Variants in NBEAL1 observed in about 807,000 individuals in gnomAD.
The protein encoded by NBEAL1 is neurobeachin like 1.
NBEAL1 carries 273 observed loss-of-function variants against 351.3 expected under a neutral mutation model. The observed-to-expected ratio is 0.78, with a 90% confidence interval of 0.70 to 0.86. The LOEUF (loss-of-function observed/expected upper bound fraction) is 0.86. Among genes scored for constraint, NBEAL1 ranks in the 40% least tolerant of loss-of-function variants. NBEAL1 has a pLI of 0.00. For missense variants in NBEAL1, 2,961 were observed against 3,201.3 expected, an observed-to-expected ratio of 0.92 and a Z score of 1.81; for synonymous variants, 1,050 against 1,086.4, an observed-to-expected ratio of 0.97 and a Z score of 0.66.
chr2:203,085,752 A>G (rs1240958275), intron 10 of NBEAL1: 2 of 152,208 alleles, frequency 1.3e-5, no homozygotes, highest in Non-Finnish European at 2.9e-5. Flanking sequence ...CTCATTGTAA[A>G]TGGAAACATT....
chr2:203,083,976 CTGTGTG>C lies in NBEAL1; in HGVS notation c.992-447_992-442del, dbSNP rs59252809. ...TTTTGTTTCTTTTTTTCCTCAGAGCCTGTGTGTGTGTGTGTGTGTGTGTGTGTGTGT... is the reference window on the plus strand; with the variant it reads ...TTTTGTTTCTTTTTTTCCTCAGAGCCTGTGTGTGTGTGTGTGTGTGTGTGT... On this transcript the variant is annotated intron_variant, in intron 9 of 55. Coordinates refer to ENST00000683969, the MANE Select transcript of NBEAL1 (RefSeq NM_001378026.1). Among the ~76,000 whole-genome samples the C allele has an allele frequency of 4.8e-3, 646 of 134,140 alleles. 5 individuals carry two copies. Among genetic ancestry groups the C allele is most frequent in the South Asian group, 0.033 (129 of 3,872 alleles). The allele number at this position is 134,140 out of a possible 152,430, so 88.0% of individuals were successfully genotyped here. A position where few individuals can be genotyped will look rare whatever the true frequency, so the allele number is the denominator to read the frequency against.
intron 11 of NBEAL1, among the ~76,000 whole-genome samples, chr2:203,099,048 G>T (rs2062246728): frequency 6.6e-6 from 1 of 152,138 alleles, no homozygotes; most frequent in African/African-American, 2.4e-5. Flanking sequence ...GCCGAGGTGG[G>T]TGGATCCACT....
At chr2:203,183,054 C>A (rs541012822) in intron 43 of NBEAL1, 14 of 303,188 alleles carry the variant, frequency 4.6e-5, no homozygotes, top group Non-Finnish European at 6.6e-5. Context: ...TAGTTTCCCC[C>A]ACTTTTTTTG....
intron 17 of NBEAL1, among the ~76,000 whole-genome samples, chr2:203,113,819 C>T (rs1053066269): frequency 2.1e-4 from 23 of 109,576 alleles, no homozygotes; most frequent in African/African-American, 7.4e-4. Context: ...TCCTGTGTCT[C>T]TCTTTTTTTT....
intron 55 of NBEAL1, among the ~76,000 whole-genome samples, chr2:203,215,892 T>A (rs1575142285): frequency 6.6e-6 from 1 of 151,542 alleles, no homozygotes; most frequent in East Asian, 1.9e-4. Context: ...GTTCCTGTAG[T>A]CTCAGCTACT....
At chr2:203,210,458 G>A (rs1357313225) in intron 53 of NBEAL1, among the ~76,000 whole-genome samples, 9 of 151,438 alleles carry the variant, frequency 5.9e-5, no homozygotes, top group African/African-American at 2.2e-4. Context: ...TCAGGAGATC[G>A]AGACCATCCT....
chr2:203,211,609 A>G (rs1051434097), intron 54 of NBEAL1, among the ~76,000 whole-genome samples: 16 of 152,184 alleles, frequency 1.1e-4, no homozygotes, highest in African/African-American at 3.4e-4. Context: ...ATACAACTGC[A>G]CTGTAGCCTG....
Position 203,096,963 on chromosome 2 carries a change from A to G in NBEAL1, c.1099-584A>G, listed in dbSNP as rs147544394. On this transcript the variant is annotated intron_variant, in intron 10 of 55. Coordinates refer to ENST00000683969, the MANE Select transcript of NBEAL1 (RefSeq NM_001378026.1). ...TAGTCCATTTTCATGCTGCTCATAA[A>G]GACATACCGGAGACTGGACAATTTA... Among the ~76,000 whole-genome samples, 6 of 152,288 alleles carry G rather than the reference A, an allele frequency of 3.9e-5. No homozygotes were observed. In the East Asian group the frequency reaches 9.6e-4, roughly 24 times the overall value.
At chr2:203,126,744 T>A in intron 22 of NBEAL1, 28 bp downstream of exon 22, 1 of 1,516,422 alleles carries the variant, frequency 6.6e-7, no homozygotes, top group Non-Finnish European at 8.8e-7. Context: ...GATAAACATT[T>A]TATAGTTGTT....
intron 37 of NBEAL1, among the ~76,000 whole-genome samples, chr2:203,166,671 C>T (rs772998008): frequency 2.0e-4 from 30 of 152,030 alleles, no homozygotes; most frequent in South Asian, 4.2e-4. Flanking sequence ...CTCAGCCTCC[C>T]GAGTAGCTGG....
intron 39 of NBEAL1, among the ~76,000 whole-genome samples, chr2:203,170,328 G>A (rs558620520): frequency 5.3e-4 from 80 of 152,086 alleles, no homozygotes; most frequent in African/African-American, 1.5e-3. Context: ...GCTAAGATTC[G>A]TGCCACTGCA....
chr2:203,142,729 A>T (rs146767262), intron 31 of NBEAL1, among the ~76,000 whole-genome samples: 1 of 152,210 alleles, frequency 6.6e-6, no homozygotes, highest in East Asian at 1.9e-4. Context: ...ACATACCAAA[A>T]AAAAGCCCAT....
Position 203,059,031 on chromosome 2 carries a change from T to G in NBEAL1, c.515+1578T>G, listed in dbSNP as rs575394361. ...CATTTTCAACTTAACATGACCCATT[T>G]GTAAATAATTTCTACTTCCTGCAAC... On this transcript the variant is annotated intron_variant, in intron 6 of 55. Coordinates refer to ENST00000683969, the MANE Select transcript of NBEAL1 (RefSeq NM_001378026.1). 2.0e-5 allele frequency among the ~76,000 whole-genome samples: 3 copies of G among 152,362 alleles called. No individual in the cohort carries two copies. The South Asian group carries it at 6.2e-4, about 32-fold the overall frequency.
At chr2:203,147,161 C>T (rs1192221238) in intron 33 of NBEAL1, among the ~76,000 whole-genome samples, 1 of 151,868 alleles carries the variant, frequency 6.6e-6, no homozygotes, top group Non-Finnish European at 1.5e-5. Flanking sequence ...CAAATCTTAG[C>T]AAGTATAGTA....
intron 36 of NBEAL1, among the ~76,000 whole-genome samples, chr2:203,159,171 C>T (rs1031046856): frequency 6.6e-6 from 1 of 152,120 alleles, no homozygotes; most frequent in African/African-American, 2.4e-5. Flanking sequence ...CACAAACTCT[C>T]TGTTTCTTAT....
At chr2:203,049,694 A>G (rs2061293214) in intron 3 of NBEAL1, 120 bp from the exon 4 acceptor site, 1 of 795,802 alleles carries the variant, frequency 1.3e-6, no homozygotes, top group African/African-American at 1.7e-5. Flanking sequence ...GGCACAGAGT[A>G]TCTGGAATAA....
At chr2:203,191,552 C>A (rs550890725) in intron 46 of NBEAL1, among the ~76,000 whole-genome samples, 2 of 152,102 alleles carry the variant, frequency 1.3e-5, no homozygotes, top group East Asian at 3.9e-4. Context: ...AAAAATATAT[C>A]ATTTATTAAC....
intron 6 of NBEAL1, among the ~76,000 whole-genome samples, chr2:203,067,697 AT>A (rs1323457704): frequency 6.6e-6 from 1 of 152,164 alleles, no homozygotes; most frequent in East Asian, 1.9e-4. Flanking sequence ...GAATGAAAAA[AT>A]ATCTGTGATT....
At chr2:203,121,598 G>C (rs1198653807) in intron 18 of NBEAL1, among the ~76,000 whole-genome samples, 21 of 149,686 alleles carry the variant, frequency 1.4e-4, no homozygotes, top group African/African-American at 5.2e-4. Context: ...GTTGCAGTGA[G>C]CCAAGATCAC....
Sources: allele counts gnomAD v4.1 joint callset (sites outside exome capture counted in the v4.1 genomes callset), GRCh38; gene constraint gnomAD v4.1.1; transcripts MANE v1.5; gene names NCBI Gene and HGNC (gene_info 2026-07-23, HGNC 2026-07-21).